PCSK6: variants seen among roughly 807,000 people sequenced by gnomAD.
PCSK6 encodes the protein paired basic amino acid cleaving enzyme 4.
PCSK6 carries 85 observed loss-of-function variants against 123.3 expected under a neutral mutation model. That is an observed-to-expected ratio of 0.69 (90% CI 0.58 to 0.83). PCSK6 has a LOEUF of 0.83. Ranked by LOEUF, PCSK6 falls within the 40% of genes least tolerant of loss-of-function variation. PCSK6 has a pLI of 0.00. For synonymous variants in PCSK6, 508 were observed against 516.0 expected (o/e 0.98, Z 0.21); for missense variants, 1,191 against 1,282.3 (o/e 0.93, Z 1.09).
chr15:101,324,973 C>G lies in PCSK6; in HGVS notation c.2254G>C (p.Gly752Arg), dbSNP rs371726455. The G allele has an allele frequency of 3.1e-6, 5 of 1,613,046 alleles. No homozygotes were observed. The highest frequency in any genetic ancestry group is 4.2e-6 in the Non-Finnish European group (5 of 1,179,888). The stretch of plus-strand genomic sequence containing the variant: ...GCTCTGCTGGAGCAGGTCTCACACC[C>G]CTTGTGGCACCGGCGACAGCGTCTT... ...AARRCRRCHK[G>R]CETCSSRAAT... The change falls in exon 17 of 22, where the codon GGG becomes CGG. Residue 752 changes from glycine to arginine, a missense_variant. Transcript: ENST00000611716.
rs199607397 is a variant in PCSK6, at chr15:101,398,904, TTTA to T, written c.824-331_824-329del. On this transcript the variant is annotated intron_variant, in intron 6 of 21. Coordinates refer to ENST00000611716, the MANE Select transcript of PCSK6 (RefSeq NM_002570.5). This position sits in a 1 kb window ranked among gnomAD's most constrained non-coding sequence, Gnocchi z 4.6. ...AGACCTATTATTATTATTATTATTA[TTTA>T]TTATTATTATTTTGAGACAGAGTCT... Among the ~76,000 whole-genome samples the T allele has an allele frequency of 0.11, 13,085 of 121,044 alleles. 759 individuals are homozygous for T. The highest frequency in any genetic ancestry group is 0.31 in the East Asian group (1,117 of 3,632). The allele number at this position is 121,044 out of a possible 152,430, so 79.4% of individuals were successfully genotyped here.
chr15:101,434,300 C>A (rs1012027474), intron 2 of PCSK6, among the ~76,000 whole-genome samples: 1 of 152,192 alleles, frequency 6.6e-6, no homozygotes, highest in Admixed American at 6.5e-5. Flanking sequence ...TGCTAAGGGG[C>A]CCTGAACTCT....
chr15:101,313,258 A>G (rs781520266), intron 20 of PCSK6, 118 bp downstream of exon 20: 10 of 1,576,918 alleles, frequency 6.3e-6, no homozygotes, highest in Middle Eastern at 3.3e-4. Flanking sequence ...TCCTGTCCAC[A>G]GTGGGGTGAT....
At chr15:101,324,586 G>A (rs2040204924) in intron 17 of PCSK6, among the ~76,000 whole-genome samples, 1 of 152,232 alleles carries the variant, frequency 6.6e-6, no homozygotes, top group South Asian at 2.1e-4. Flanking sequence ...TGTTGCAGGT[G>A]GGTGAAATTC....
At chr15:101,321,849 ATGGGAG>A (rs2040130199) in intron 18 of PCSK6, among the ~76,000 whole-genome samples, 1 of 152,266 alleles carries the variant, frequency 6.6e-6, no homozygotes, top group Non-Finnish European at 1.5e-5. Flanking sequence ...TCTCCCTACT[ATGGGAG>A]TGTCCCCCAA....
rs113886567 is a variant in PCSK6 at position 101,381,731 on chromosome 15, C to T, written c.1532+361G>A. ...CCGGTGGTGACAGAAAGGACACCTG[C>T]AGCTACTCCCCATTTCACTTTCTGG... On this transcript the variant is annotated intron_variant, in intron 11 of 21. Coordinates refer to ENST00000611716, the MANE Select transcript of PCSK6 (RefSeq NM_002570.5). 1.9e-3 allele frequency among the ~76,000 whole-genome samples: 297 copies of T among 152,316 alleles called. 1 individual carries two copies. Among genetic ancestry groups the T allele is most frequent in the African/African-American group, 6.2e-3 (259 of 41,574 alleles).
intron 18 of PCSK6, among the ~76,000 whole-genome samples, chr15:101,321,653 G>A (rs943800743): frequency 6.6e-6 from 1 of 152,240 alleles, no homozygotes; most frequent in African/African-American, 2.4e-5. Context: ...GAAGGGAGAC[G>A]GGGCTGGGGG....
intron 13 of PCSK6, among the ~76,000 whole-genome samples, chr15:101,348,435 A>G (rs1023841745): frequency 5.3e-5 from 8 of 152,234 alleles, no homozygotes; most frequent in African/African-American, 1.7e-4. Context: ...TCATGTTTGA[A>G]AAGAACCTGC....
At chr15:101,483,783 A>C (rs529716311) in intron 1 of PCSK6, among the ~76,000 whole-genome samples, 3 of 152,362 alleles carry the variant, frequency 2.0e-5, no homozygotes, top group Admixed American at 2.0e-4. Flanking sequence ...AGCTCTGTCC[A>C]AACGCCCATG....
intron 15 of PCSK6, among the ~76,000 whole-genome samples, chr15:101,329,038 C>T (rs1021482670): frequency 1.3e-5 from 2 of 152,186 alleles, no homozygotes; most frequent in African/African-American, 4.8e-5. Context: ...CGTGACAGTT[C>T]CTCCAAGCCC....
At chr15:101,454,973 AATG>A (rs756162944) in intron 1 of PCSK6, among the ~76,000 whole-genome samples, 8,388 of 144,994 alleles carry the variant, frequency 0.058, 738 homozygotes, top group African/African-American at 0.19. Flanking sequence ...TGAATGAATG[AATG>A]AATGAATAAA....
At chr15:101,370,551 T>C in intron 11 of PCSK6, 28 bp from the exon 12 acceptor site, 2 of 1,412,118 alleles carry the variant, frequency 1.4e-6, no homozygotes, top group Non-Finnish European at 1.9e-6. Flanking sequence ...GCTCAGCACT[T>C]GGCACCGGAA....
intron 1 of PCSK6, among the ~76,000 whole-genome samples, chr15:101,466,298 A>G (rs1428066501): frequency 2.0e-5 from 3 of 152,226 alleles, no homozygotes; most frequent in Admixed American, 6.5e-5. Flanking sequence ...CATTAGCCGT[A>G]AGGGAAATGC....
chr15:101,373,224 G>T (rs1463886614), intron 11 of PCSK6, among the ~76,000 whole-genome samples: 1 of 152,186 alleles, frequency 6.6e-6, no homozygotes, highest in Admixed American at 6.5e-5. Context: ...CAGGGAGGCT[G>T]GCTGGGGGCG....
intron 13 of PCSK6, among the ~76,000 whole-genome samples, chr15:101,351,475 C>T (rs145528334): frequency 2.4e-3 from 365 of 152,254 alleles, no homozygotes; most frequent in African/African-American, 8.0e-3. Context: ...CCAATATTTA[C>T]GCTGGAAAGA....
At chr15:101,411,439 A>G (rs1027701511) in intron 6 of PCSK6, among the ~76,000 whole-genome samples, 1 of 152,158 alleles carries the variant, frequency 6.6e-6, no homozygotes, top group Non-Finnish European at 1.5e-5. Context: ...GCTATCAAGC[A>G]ACAGCTCCCT....
At chr15:101,399,391 G>A (rs1314783983) in intron 6 of PCSK6, among the ~76,000 whole-genome samples, 1 of 152,200 alleles carries the variant, frequency 6.6e-6, no homozygotes, top group African/African-American at 2.4e-5. Context: ...TGGGGTCTTG[G>A]ACTTCGCTGG....
At chr15:101,365,992 C>T (rs1303865545) in intron 13 of PCSK6, 8 of 496,456 alleles carry the variant, frequency 1.6e-5, no homozygotes, top group Non-Finnish European at 2.4e-5. Flanking sequence ...ATAGTGCTGA[C>T]GTTTACATGA....
intron 20 of PCSK6, among the ~76,000 whole-genome samples, chr15:101,309,744 C>T (rs73487286): frequency 0.015 from 2,228 of 152,348 alleles, 55 homozygotes; most frequent in African/African-American, 0.051. Context: ...TTGCCTCCCC[C>T]GCTGGCAAGC....
Sources: allele counts gnomAD v4.1 joint callset (sites outside exome capture counted in the v4.1 genomes callset), GRCh38; gene constraint gnomAD v4.1.1; non-coding constraint Gnocchi (gnomAD v3.1); transcripts MANE v1.5; gene names NCBI Gene and HGNC (gene_info 2026-07-23, HGNC 2026-07-21).